Variants in SLX4IP observed in about 807,000 individuals in gnomAD.
SLX4IP encodes the protein SLX4 interacting protein.
In SLX4IP, 34 loss-of-function variants were observed where a neutral mutation model predicts 32.9. The ratio of observed to expected loss-of-function variants is 1.03; its 90% CI spans 0.79 to 1.38. The LOEUF (loss-of-function observed/expected upper bound fraction) is 1.38, where lower values mean the gene tolerates loss of function less well. Ranked by LOEUF, SLX4IP falls within the 40% of genes most tolerant of loss-of-function variation. The pLI is 0.00. For missense variants in SLX4IP, 444 were observed against 479.0 expected (o/e 0.93, Z 0.68); for synonymous variants, 172 against 171.7 (o/e 1.00, Z -0.01).
At chr20:10,546,235 C>T (rs1044853145) in intron 2 of SLX4IP, among the ~76,000 whole-genome samples, 1 of 152,174 alleles carries the variant, frequency 6.6e-6, no homozygotes, top group African/African-American at 2.4e-5. Flanking sequence ...AGGGGCCTTA[C>T]GGACGAGTAC....
chr20:10,592,353 C>CG (rs111774788), intron 4 of SLX4IP, among the ~76,000 whole-genome samples: 15,635 of 151,904 alleles, frequency 0.1, 1,169 homozygotes, highest in African/African-American at 0.22. Flanking sequence ...CCAACCCCCC[C>CG]CCATCACCAG....
chr20:10,507,506 G>C (rs1884808066), intron 2 of SLX4IP, among the ~76,000 whole-genome samples: 1 of 152,062 alleles, frequency 6.6e-6, no homozygotes, highest in South Asian at 2.1e-4. Context: ...CATCTCATAA[G>C]AGTTCAGAGA....
In SLX4IP at chr20:10,572,114, A is replaced by G. The variant is rs555566787; in HGVS notation, c.238+11294A>G. ...GCAGATCCCTGAGACAGTCCTTTCT[A>G]GCCAGGCTTCTTAGCCCTTCTTTTA... On this transcript the variant is annotated intron_variant, in intron 4 of 7. Coordinates refer to ENST00000334534, the MANE Select transcript of SLX4IP (RefSeq NM_001009608.3). Among the ~76,000 whole-genome samples, 8 of 152,242 alleles carry G rather than the reference A, an allele frequency of 5.3e-5. No individual in the cohort carries two copies. In the South Asian group the frequency reaches 1.7e-3, roughly 32 times the overall value.
intron 5 of SLX4IP, among the ~76,000 whole-genome samples, chr20:10,601,275 A>G (rs929417291): frequency 6.6e-6 from 1 of 152,178 alleles, no homozygotes; most frequent in Non-Finnish European, 1.5e-5. Context: ...GAGCTCTCTA[A>G]GACTAGCTAA....
intron 2 of SLX4IP, among the ~76,000 whole-genome samples, chr20:10,488,003 C>T (rs1906254479): frequency 6.6e-6 from 1 of 152,062 alleles, no homozygotes; most frequent in Admixed American, 6.6e-5. Flanking sequence ...TAAGTAGGAC[C>T]TATCAGCTGT....
intron 4 of SLX4IP, among the ~76,000 whole-genome samples, chr20:10,570,579 AGTGCAGTG>A (rs1226285030): frequency 6.7e-6 from 1 of 149,508 alleles, no homozygotes; most frequent in Non-Finnish European, 1.5e-5. Context: ...CCCAGGCTGG[AGTGCAGTG>A]GTACGATCTC....
chr20:10,615,635 AC>A (rs2067016881), intron 6 of SLX4IP, among the ~76,000 whole-genome samples: 1 of 152,114 alleles, frequency 6.6e-6, no homozygotes, highest in Non-Finnish European at 1.5e-5. Context: ...ATCCAGGAGG[AC>A]CCTTACATCA....
chr20:10,435,399 C>G lies in SLX4IP; in HGVS notation c.-84C>G, dbSNP rs1568679353. 3 of 152,210 alleles carry G rather than the reference C, an allele frequency of 2.0e-5. No homozygotes were observed. Among genetic ancestry groups the G allele is most frequent in the Non-Finnish European group, 4.4e-5 (3 of 68,072 alleles). The allele number at this position is 152,210 out of a possible 1,614,324, so 9.4% of individuals were successfully genotyped here. ...AGCCAGGTACTACTCCGCCAGTGAC[C>G]CTGGACAGTAACAAAACATATAAAG... is the stretch of plus-strand genomic sequence containing the variant. On this transcript the variant is annotated 5_prime_UTR_variant, in exon 1 of 8. Coordinates refer to ENST00000334534, the MANE Select transcript of SLX4IP (RefSeq NM_001009608.3).
At chr20:10,512,996 T>C (rs1371772174) in intron 2 of SLX4IP, among the ~76,000 whole-genome samples, 1 of 151,658 alleles carries the variant, frequency 6.6e-6, no homozygotes, top group Non-Finnish European at 1.5e-5. Context: ...GTCCTTACCA[T>C]GGTCAGTCAT....
At chr20:10,493,493 T>C (rs2065642830) in intron 2 of SLX4IP, among the ~76,000 whole-genome samples, 1 of 152,204 alleles carries the variant, frequency 6.6e-6, no homozygotes, top group Admixed American at 6.5e-5. Context: ...CAAGATTCTT[T>C]TGAATATTTT....
intron 4 of SLX4IP, among the ~76,000 whole-genome samples, chr20:10,562,370 C>T (rs1047930229): frequency 2.5e-4 from 38 of 152,172 alleles, no homozygotes; most frequent in African/African-American, 8.9e-4. Flanking sequence ...GGCCGCCCAG[C>T]TGCCGGACTC....
At chr20:10,530,257 C>T (rs563717188) in intron 2 of SLX4IP, among the ~76,000 whole-genome samples, 2 of 152,220 alleles carry the variant, frequency 1.3e-5, no homozygotes, top group African/African-American at 4.8e-5. Context: ...GTTGGTTATT[C>T]TTTGTGTTTC....
At chr20:10,490,140 A>T (rs2065610096) in intron 2 of SLX4IP, among the ~76,000 whole-genome samples, 1 of 152,146 alleles carries the variant, frequency 6.6e-6, no homozygotes, top group South Asian at 2.1e-4. Flanking sequence ...ATGCAAACCT[A>T]AAGAACATGT....
chr20:10,488,253 T>C (rs1471878652), intron 2 of SLX4IP, among the ~76,000 whole-genome samples: 1 of 152,136 alleles, frequency 6.6e-6, no homozygotes, highest in Non-Finnish European at 1.5e-5. Flanking sequence ...CCAATATGAC[T>C]GATGTTCCTA....
At chr20:10,602,745 G>A (rs540159909) in intron 6 of SLX4IP, among the ~76,000 whole-genome samples, 38 of 152,130 alleles carry the variant, frequency 2.5e-4, no homozygotes, top group African/African-American at 5.3e-4. Flanking sequence ...TTTTTAATCC[G>A]TATGAAATCT....
intron 2 of SLX4IP, among the ~76,000 whole-genome samples, chr20:10,465,620 C>T (rs1303048939): frequency 1.3e-5 from 2 of 152,230 alleles, no homozygotes; most frequent in African/African-American, 4.8e-5. Context: ...ATTCTCTTGT[C>T]TCAGCCTCCC....
At chr20:10,454,403 G>A (rs536046735) in intron 1 of SLX4IP, among the ~76,000 whole-genome samples, 1 of 121,270 alleles carries the variant, frequency 8.2e-6, no homozygotes, top group Non-Finnish European at 2.0e-5. Flanking sequence ...AGGCATGCAG[G>A]CAGAGGAAGG....
intron 2 of SLX4IP, among the ~76,000 whole-genome samples, chr20:10,515,925 G>A (rs903480002): frequency 7.9e-5 from 12 of 152,216 alleles, no homozygotes; most frequent in Admixed American, 3.3e-4. Context: ...GTCTTGCTCT[G>A]TTACCTGGGT....
chr20:10,603,964 G>T (rs952100433), intron 6 of SLX4IP, among the ~76,000 whole-genome samples: 2 of 152,146 alleles, frequency 1.3e-5, no homozygotes, highest in African/African-American at 4.8e-5. Context: ...GCTATTTAAG[G>T]ATCAATAAAC....
Sources: allele counts gnomAD v4.1 joint callset (sites outside exome capture counted in the v4.1 genomes callset), GRCh38; gene constraint gnomAD v4.1.1; transcripts MANE v1.5; gene names NCBI Gene and HGNC (gene_info 2026-07-23, HGNC 2026-07-21).